TRIM26: variants seen among roughly 807,000 people sequenced by gnomAD.
The protein encoded by TRIM26 is tripartite motif containing 26, also known as tripartite motif-containing protein 26.
Under a neutral mutation model 45.5 loss-of-function variants are expected in TRIM26, and 16 were observed. That is an observed-to-expected ratio of 0.35 (90% confidence interval 0.24 to 0.53). The LOEUF is 0.53. Among genes scored for constraint, TRIM26 ranks in the 20% least tolerant of loss-of-function variants. The probability of loss-of-function intolerance (pLI) is 0.92; values close to 1 mark genes in which losing one functional copy is unlikely to be tolerated. For missense variants in TRIM26, 442 were observed against 691.1 expected, an observed-to-expected ratio of 0.64 and a Z score of 4.04; for synonymous variants, 273 against 290.4, an observed-to-expected ratio of 0.94 and a Z score of 0.61.
At position 30,184,554 on chromosome 6, in the gene TRIM26, G is replaced by A. The variant is rs932769044; in HGVS notation, c.*1322C>T. On this transcript the variant is annotated 3_prime_UTR_variant, in exon 10 of 10. Coordinates refer to ENST00000454678, the MANE Select transcript of TRIM26 (RefSeq NM_003449.5). ...AGTATAAGATGTTATCCGCCCTCCA[G>A]GAGCTTACAAAACTAGAGGCAGAAA... 1.3e-5 allele frequency: 2 copies of A among 152,540 alleles called. No individual in the cohort carries two copies. Among genetic ancestry groups the A allele is most frequent in the Admixed American group, 1.3e-4 (2 of 15,276 alleles). 9.4% of individuals were successfully genotyped at this position (152,540 alleles called of 1,614,324 possible).
At chr6:30,203,477 C>T (rs1260899552) in intron 2 of TRIM26, among the ~76,000 whole-genome samples, 1 of 152,050 alleles carries the variant, frequency 6.6e-6, no homozygotes, top group Non-Finnish European at 1.5e-5. Context: ...AGTGCAATGG[C>T]GCAATCTGGC....
At chr6:30,206,734 C>T (rs187221069) in intron 1 of TRIM26, among the ~76,000 whole-genome samples, 40 of 152,328 alleles carry the variant, frequency 2.6e-4, no homozygotes, top group African/African-American at 8.4e-4. Context: ...CATACCTAGA[C>T]CAACTGACTT....
chr6:30,197,074 C>T (rs1410860018), intron 5 of TRIM26, among the ~76,000 whole-genome samples: 1 of 152,190 alleles, frequency 6.6e-6, no homozygotes, highest in Non-Finnish European at 1.5e-5. Context: ...TGAGCCGACG[C>T]ACTTTTCCCT....
rs149226729 is a variant in TRIM26 at position 30,198,837 on chromosome 6, C to T, written c.267G>A (p.Pro89=). Residue 89 remains proline (P), a synonymous_variant, in exon 4 of 10, where the codon CCG becomes CCA. Coordinates refer to ENST00000454678, the MANE Select transcript of TRIM26 (RefSeq NM_003449.5). The surrounding 1 kb of genome is among the most constrained non-coding windows in gnomAD (Gnocchi z 6.3). ...CCTGCTGCTCCCGGGTCACCTCTCC[C>T]GGCTGCCTGCCCTTGTCCACCTTCA... is the stretch of plus-strand genomic sequence containing the variant. ...ERLKVDKGRQ[P]GEVTREQQDA... 8 of 1,612,806 alleles carry T rather than the reference C, an allele frequency of 5.0e-6. No individual in the cohort carries two copies. Among genetic ancestry groups the T allele is most frequent in the East Asian group, 2.2e-5 (1 of 44,866 alleles).
chr6:30,211,490 G>C (rs1321868752), intron 1 of TRIM26, among the ~76,000 whole-genome samples: 11 of 152,160 alleles, frequency 7.2e-5, no homozygotes, highest in Admixed American at 7.2e-4. Flanking sequence ...AGTGTCTTCT[G>C]TGGTGGTCAC....
In TRIM26 at chr6:30,186,091, C is replaced by T. The variant is rs757578957; in HGVS notation, c.1405G>A (p.Gly469Ser). 3.8e-5 allele frequency: 60 copies of T among 1,592,438 alleles called. No homozygotes were observed. Among genetic ancestry groups the T allele is most frequent in the African/African-American group, 1.3e-4 (10 of 74,306 alleles). The change falls in exon 10 of 10, where the codon GGC (glycine) becomes AGC (serine). Residue 469 changes from glycine (G) to serine (S), a missense_variant. By Grantham distance (56) the Gly-to-Ser change is moderately conservative. Coordinates refer to ENST00000454678, the MANE Select transcript of TRIM26 (RefSeq NM_003449.5). The surrounding 1 kb of genome is among the most constrained non-coding windows in gnomAD (Gnocchi z 7.4). ...TCGGGGCTGGTGTTGGCCCAGATGCCGGAGGAGGAGAGGCGCAGCGCCCAC... is the reference window on the plus strand; with the variant it reads ...TCGGGGCTGGTGTTGGCCCAGATGCTGGAGGAGGAGAGGCGCAGCGCCCAC... ...GVWALRLSSS[G>S]IWANTSPEAE...
Position 30,198,184 on chromosome 6 carries a change from C to T in TRIM26, c.534+245G>A, listed in dbSNP as rs549021168. Among the ~76,000 whole-genome samples, 55 of 152,300 alleles carry T rather than the reference C, an allele frequency of 3.6e-4. No homozygotes were observed. The highest frequency in any genetic ancestry group is 6.6e-4 in the Non-Finnish European group (45 of 68,038). Reference sequence around the variant, plus strand: ...CCTTCAAGGTGACAGTCACAGAAAACGGAAGGGACTCTAGCTGACATCCAG... The same window carrying T: ...CCTTCAAGGTGACAGTCACAGAAAATGGAAGGGACTCTAGCTGACATCCAG... On this transcript the variant is annotated intron_variant, in intron 5 of 9. Transcript: ENST00000454678. The surrounding 1 kb of genome is among the most constrained non-coding windows in gnomAD (Gnocchi z 6.3).
chr6:30,199,248 A>G lies in TRIM26; in HGVS notation c.-145T>C. 1 of 657,176 alleles carries G rather than the reference A, an allele frequency of 1.5e-6. No individual in the cohort carries two copies. Among genetic ancestry groups the G allele is most frequent in the Non-Finnish European group, 2.5e-6 (1 of 402,780 alleles). 40.7% of individuals were successfully genotyped at this position (657,176 alleles called of 1,614,324 possible). On this transcript the variant is annotated 5_prime_UTR_variant, in exon 4 of 10. Transcript: ENST00000454678. The stretch of plus-strand genomic sequence containing the variant: ...GCCAGCTCCAGCACTCAGTCAATCG[A>G]CAGACACCACCAGCTCCTACAAGGT...
chr6:30,203,042 CTTTCT>C (rs1375750214), intron 2 of TRIM26, among the ~76,000 whole-genome samples: 3 of 129,756 alleles, frequency 2.3e-5, no homozygotes, highest in South Asian at 5.6e-4. Flanking sequence ...TATTTCCTCT[CTTTCT>C]TTTTTTTTTT....
chr6:30,199,080 C>A lies in TRIM26; in HGVS notation c.24G>T (p.Arg8=), dbSNP rs766095595. 1 of 1,577,374 alleles carries A rather than the reference C, an allele frequency of 6.3e-7. No homozygotes were observed. MATSAPL[R]SLEEEVTCSI... The stretch of plus-strand genomic sequence containing the variant: ...AGCAGGTCACCTCCTCTTCCAGGCT[C>A]CGTAGTGGGGCTGACGTGGCCATGG... Residue 8 remains arginine (R), a synonymous_variant, in exon 4 of 10, where the codon CGG becomes CGT. Transcript: ENST00000454678.
chr6:30,189,042 T>C lies in TRIM26; in HGVS notation c.937+125A>G, dbSNP rs765651468. On this transcript the variant is annotated intron_variant, in intron 9 of 9. Transcript: ENST00000454678. This position sits in a 1 kb window ranked among gnomAD's most constrained non-coding sequence, Gnocchi z 5.0. The stretch of plus-strand genomic sequence containing the variant: ...CAAAGAGGGAGGGGGGCTTCTATTG[T>C]GCAGCTGGGAAATTCTTCCTGTTGC... 3 of 1,053,514 alleles carry C rather than the reference T, an allele frequency of 2.8e-6. No individual in the cohort carries two copies. The highest frequency in any genetic ancestry group is 1.6e-5 in the African/African-American group (1 of 62,660). The allele number at this position is 1,053,514 out of a possible 1,614,324, so 65.3% of individuals were successfully genotyped here.
In TRIM26 at chr6:30,198,755, C is replaced by T. The variant is rs1191608296; in HGVS notation, c.349G>A (p.Gly117Arg). 3.1e-6 allele frequency: 5 copies of T among 1,604,108 alleles called. No homozygotes were observed. Among genetic ancestry groups the T allele is most frequent in the South Asian group, 2.2e-5 (2 of 91,074 alleles). ...EKLHYYCEDDGKLLCVMCRES... is the reference protein window; with the variant it reads ...EKLHYYCEDDRKLLCVMCRES... Reference sequence around the variant, plus strand: ...CGGCACATCACGCACAGCAGCTTCCCGTCGTCCTCACAGTAGTAGTGCAGC... The same window carrying T: ...CGGCACATCACGCACAGCAGCTTCCTGTCGTCCTCACAGTAGTAGTGCAGC... Residue 117 changes from glycine to arginine, a missense_variant, in exon 4 of 10, where the codon GGG (glycine) becomes AGG (arginine). Coordinates refer to ENST00000454678, the MANE Select transcript of TRIM26 (RefSeq NM_003449.5). The surrounding 1 kb of genome is among the most constrained non-coding windows in gnomAD (Gnocchi z 6.3).
At position 30,199,284 on chromosome 6, in the gene TRIM26, T is replaced by G. The variant is rs113538789; in HGVS notation, c.-161-20A>C. The G allele has an allele frequency of 5.0e-4, 272 of 544,092 alleles. No homozygotes were observed. The highest frequency in any genetic ancestry group is 3.6e-3 in the African/African-American group (192 of 53,180). 33.7% of individuals were successfully genotyped at this position (544,092 alleles called of 1,614,324 possible). On this transcript the variant is annotated intron_variant, in intron 3 of 9. Coordinates refer to ENST00000454678, the MANE Select transcript of TRIM26 (RefSeq NM_003449.5). Reference sequence around the variant, plus strand: ...CAGCTCCTACAAGGTTCACACAATGTCAACGAGAAGAGGACCTTATAGATC... The same window carrying G: ...CAGCTCCTACAAGGTTCACACAATGGCAACGAGAAGAGGACCTTATAGATC...
chr6:30,212,915 CAA>C (rs3059548), intron 1 of TRIM26, among the ~76,000 whole-genome samples: 7,835 of 130,104 alleles, frequency 0.06, 259 homozygotes, highest in Middle Eastern at 0.12. Context: ...TTACTCCGAA[CAA>C]AAAAAAAAAA....
chr6:30,184,662 G>C lies in TRIM26; in HGVS notation c.*1214C>G, dbSNP rs1417168567. On this transcript the variant is annotated 3_prime_UTR_variant, in exon 10 of 10. Transcript: ENST00000454678. ...ACAATGGTGGTCAAGTGACCACTGAGGCCCAGAGCCGTTGGAACAGTCTCT... is the reference window on the plus strand; with the variant it reads ...ACAATGGTGGTCAAGTGACCACTGACGCCCAGAGCCGTTGGAACAGTCTCT... 1.3e-5 allele frequency: 2 copies of C among 152,756 alleles called. No individual in the cohort carries two copies. Among genetic ancestry groups the C allele is most frequent in the Non-Finnish European group, 2.9e-5 (2 of 68,090 alleles). 9.5% of individuals were successfully genotyped at this position (152,756 alleles called of 1,614,324 possible). A position where few individuals can be genotyped will look rare whatever the true frequency, so the allele number is the denominator to read the frequency against.
chr6:30,187,398 C>T (rs543818597), intron 9 of TRIM26: 58 of 444,860 alleles, frequency 1.3e-4, no homozygotes, highest in African/African-American at 1.0e-3. Flanking sequence ...AATATCTGCC[C>T]TTGTAACCTG....
chr6:30,185,849 G>A lies in TRIM26; in HGVS notation c.*27C>T. The A allele has an allele frequency of 5.0e-6, 8 of 1,590,362 alleles. No homozygotes were observed. Among genetic ancestry groups the A allele is most frequent in the Non-Finnish European group, 6.9e-6 (8 of 1,166,940 alleles). ...TTCCAAAGAAGTGAAGCATCTGAGG[G>A]TTGGGGCTGGGGGCAGATGTCAGGG... On this transcript the variant is annotated 3_prime_UTR_variant, in exon 10 of 10. Transcript: ENST00000454678. This position sits in a 1 kb window ranked among gnomAD's most constrained non-coding sequence, Gnocchi z 5.7.
At chr6:30,197,164 A>AC (rs1776573668) in intron 5 of TRIM26, among the ~76,000 whole-genome samples, 1 of 152,070 alleles carries the variant, frequency 6.6e-6, no homozygotes, top group Non-Finnish European at 1.5e-5. Flanking sequence ...TCTCTTCAGC[A>AC]CCCCACTGTT....
chr6:30,186,174 AC>A lies in TRIM26; in HGVS notation c.1321del (p.Val441TrpfsTer6). 1 of 1,596,424 alleles carries A rather than the reference AC, an allele frequency of 6.3e-7. No individual in the cohort carries two copies. ...EEVLESCMVG[V>X]ARDSVKRKGD... is the part of the protein sequence containing the mutation. ...CTTCCTCTTCACAGAGTCTCTAGCCACCCCCACCATGCAGCTTTCCAGAACT... is the reference window on the plus strand; with the variant it reads ...CTTCCTCTTCACAGAGTCTCTAGCCACCCCACCATGCAGCTTTCCAGAACT... On this transcript the variant is annotated frameshift_variant, in exon 10 of 10. Transcript: ENST00000454678. LOFTEE classifies it high-confidence loss of function. This position sits in a 1 kb window ranked among gnomAD's most constrained non-coding sequence, Gnocchi z 7.4.
Sources: gnomAD v4.1 joint callset for allele counts (sites outside exome capture counted in the v4.1 genomes callset) on GRCh38, gnomAD v4.1.1 for gene constraint, Gnocchi (gnomAD v3.1) non-coding constraint, MANE v1.5 for transcripts, NCBI Gene and HGNC (gene_info 2026-07-23, HGNC 2026-07-21) for gene names.